NT5DC1: variants seen among roughly 807,000 people sequenced by gnomAD.
The protein encoded by NT5DC1 is 5'-nucleotidase domain-containing protein 1.
A neutral mutation model predicts 59.4 loss-of-function variants in NT5DC1; 42 were observed. The observed-to-expected ratio is 0.71, with a 90% CI of 0.55 to 0.92. The LOEUF is 0.92. Among genes scored for constraint, NT5DC1 ranks in the 40% least tolerant of loss-of-function variants. The pLI is 0.00. For missense variants in NT5DC1, 501 were observed against 537.1 expected, an observed-to-expected ratio of 0.93 and a Z score of 0.66; for synonymous variants, 172 against 188.1, an observed-to-expected ratio of 0.91 and a Z score of 0.70.
At chr6:116,135,835 A>T (rs1367816146) in intron 6 of NT5DC1, among the ~76,000 whole-genome samples, 1 of 13,098 alleles carries the variant, frequency 7.6e-5, no homozygotes, top group Non-Finnish European at 1.3e-4. Flanking sequence ...ATATTTTCAG[A>T]TATATATATA....
At chr6:116,185,550 G>C (rs1336110596) in intron 6 of NT5DC1, among the ~76,000 whole-genome samples, 1 of 152,066 alleles carries the variant, frequency 6.6e-6, no homozygotes, top group African/African-American at 2.4e-5. Context: ...GAGCTCTACT[G>C]TTGGGTGCGT....
chr6:116,218,345 CAA>C (rs1041309983), intron 6 of NT5DC1, among the ~76,000 whole-genome samples: 1 of 151,964 alleles, frequency 6.6e-6, no homozygotes, highest in African/African-American at 2.4e-5. Flanking sequence ...AATTTTTTCT[CAA>C]GTTTTCTGAA....
chr6:116,120,806 C>G, intron 6 of NT5DC1: 5 of 1,612,796 alleles, frequency 3.1e-6, no homozygotes, highest in Non-Finnish European at 4.2e-6. Flanking sequence ...GCCAGCCTCT[C>G]CATTGTGTCC....
chr6:116,242,158 C>G (rs2114566510), intron 11 of NT5DC1, among the ~76,000 whole-genome samples: 1 of 151,672 alleles, frequency 6.6e-6, no homozygotes, highest in South Asian at 2.1e-4. Flanking sequence ...ATCACGAGGT[C>G]AGGAGATCGA....
intron 4 of NT5DC1, among the ~76,000 whole-genome samples, chr6:116,114,606 G>C (rs1249728489): frequency 6.6e-6 from 1 of 150,798 alleles, no homozygotes. Flanking sequence ...GTAAAATCTG[G>C]CTTTACCTAT....
intron 6 of NT5DC1, among the ~76,000 whole-genome samples, chr6:116,178,088 T>TGTGTGTGCGC (rs1491426656): frequency 2.5e-4 from 25 of 99,662 alleles, no homozygotes; most frequent in African/African-American, 1.0e-3. Flanking sequence ...TGTGTGTGTG[T>TGTGTGTGCGC]GCGCGCGCGC....
At chr6:116,151,529 C>T (rs989429607) in intron 6 of NT5DC1, among the ~76,000 whole-genome samples, 1 of 151,998 alleles carries the variant, frequency 6.6e-6, no homozygotes, top group Non-Finnish European at 1.5e-5. Flanking sequence ...TGTTTAAATT[C>T]GTTAATATAA....
At chr6:116,242,505 A>G (rs1168390400) in intron 11 of NT5DC1, among the ~76,000 whole-genome samples, 2 of 151,652 alleles carry the variant, frequency 1.3e-5, no homozygotes, top group African/African-American at 2.4e-5. Context: ...AGAGAGAGAG[A>G]GAGTGGCTGC....
chr6:116,178,098 CGCGCGT>C (rs767367705), intron 6 of NT5DC1, among the ~76,000 whole-genome samples: 2,286 of 93,294 alleles, frequency 0.025, 28 homozygotes, highest in African/African-American at 0.082. Flanking sequence ...TGCGCGCGCG[CGCGCGT>C]GCGTGCGTGT....
intron 6 of NT5DC1, among the ~76,000 whole-genome samples, chr6:116,140,348 T>C (rs951924355): frequency 3.9e-5 from 6 of 152,154 alleles, no homozygotes; most frequent in African/African-American, 1.4e-4. Flanking sequence ...CCTTTGCTCT[T>C]CTGGGCACAT....
intron 6 of NT5DC1, among the ~76,000 whole-genome samples, chr6:116,198,249 A>G (rs1447116789): frequency 2.0e-5 from 3 of 152,006 alleles, no homozygotes; most frequent in East Asian, 3.9e-4. Context: ...CATTCATTCA[A>G]AGCCACGTAA....
intron 6 of NT5DC1, among the ~76,000 whole-genome samples, chr6:116,175,097 A>G (rs1040823869): frequency 2.8e-4 from 43 of 152,152 alleles, no homozygotes; most frequent in Non-Finnish European, 5.0e-4. Context: ...TTTTCTTGAG[A>G]TATAATTTAT....
chr6:116,223,689 C>T (rs923070481), intron 8 of NT5DC1, among the ~76,000 whole-genome samples: 2 of 152,168 alleles, frequency 1.3e-5, no homozygotes, highest in Non-Finnish European at 2.9e-5. Context: ...AGAGCCTGAT[C>T]CGGAATAGAG....
rs144651634 is a variant in NT5DC1, at chr6:116,122,385, G to A, written c.529+4440G>A. On this transcript the variant is annotated intron_variant, in intron 6 of 11. Coordinates refer to ENST00000319550, the MANE Select transcript of NT5DC1 (RefSeq NM_152729.3). ...CAAAGCTACCCTGTCAGACATAAAA[G>A]AGAAACAGAATTAATTCTGATTTAC... Among the ~76,000 whole-genome samples the A allele has an allele frequency of 2.8e-3, 429 of 152,276 alleles. 1 individual carries two copies. The highest frequency in any genetic ancestry group is 9.4e-3 in the African/African-American group (392 of 41,566).
At chr6:116,132,871 T>TA (rs1262700729) in intron 6 of NT5DC1, among the ~76,000 whole-genome samples, 8 of 152,156 alleles carry the variant, frequency 5.3e-5, no homozygotes, top group African/African-American at 1.7e-4. Context: ...GAAAAAATTT[T>TA]AAAAGAACAT....
At chr6:116,152,672 G>A (rs1482445647) in intron 6 of NT5DC1, among the ~76,000 whole-genome samples, 1 of 152,014 alleles carries the variant, frequency 6.6e-6, no homozygotes, top group Admixed American at 6.6e-5. Context: ...CCCTTCTTCA[G>A]CCCTACTGTA....
chr6:116,227,986 C>T lies in NT5DC1; in HGVS notation c.802+4855C>T, dbSNP rs1781942866. Among the ~76,000 whole-genome samples, 4 of 151,966 alleles carry T rather than the reference C, an allele frequency of 2.6e-5. No individual in the cohort carries two copies. In the South Asian group the frequency reaches 8.3e-4, roughly 32 times the overall value. ...ATGTAATCTCATTTATCTATTTTTG[C>T]TTTTGTTGTCTGTGCATTTCGGGAT... On this transcript the variant is annotated intron_variant, in intron 8 of 11. Coordinates refer to ENST00000319550, the MANE Select transcript of NT5DC1 (RefSeq NM_152729.3).
chr6:116,138,435 A>G (rs1779677837), intron 6 of NT5DC1, among the ~76,000 whole-genome samples: 1 of 152,192 alleles, frequency 6.6e-6, no homozygotes, highest in South Asian at 2.1e-4. Context: ...CTGCTTTCCA[A>G]ACCATCTCAA....
At chr6:116,126,410 C>T (rs1013839669) in intron 6 of NT5DC1, among the ~76,000 whole-genome samples, 2 of 152,052 alleles carry the variant, frequency 1.3e-5, no homozygotes, top group African/African-American at 4.8e-5. Flanking sequence ...CAGGCTGGTT[C>T]ACGGTGGAAT....
Sources: allele counts gnomAD v4.1 joint callset (sites outside exome capture counted in the v4.1 genomes callset), GRCh38; gene constraint gnomAD v4.1.1; transcripts MANE v1.5; gene names NCBI Gene and HGNC (gene_info 2026-07-23, HGNC 2026-07-21).